DLG2: variants seen among roughly 807,000 people sequenced by gnomAD.
DLG2 encodes the protein disks large homolog 2.
Under a neutral mutation model 132.5 loss-of-function variants are expected in DLG2, and 45 were observed. That is an observed-to-expected ratio of 0.34 (90% CI 0.27 to 0.44). The LOEUF is 0.44. Ranked by LOEUF, DLG2 falls within the 20% of genes least tolerant of loss-of-function variation. DLG2 has a pLI of 1.00. For synonymous variants in DLG2, 424 were observed against 419.6 expected (o/e 1.01, Z -0.13); for missense variants, 1,045 against 1,196.9 (o/e 0.87, Z 1.87).
chr11:85,266,799 A>T (rs1290147827), intron 4 of DLG2, among the ~76,000 whole-genome samples: 1 of 152,132 alleles, frequency 6.6e-6, no homozygotes, highest in African/African-American at 2.4e-5. Flanking sequence ...TTTACTCAGA[A>T]CCCTCAATTC....
At chr11:84,942,050 T>C (rs184076511) in intron 6 of DLG2, among the ~76,000 whole-genome samples, 2 of 152,200 alleles carry the variant, frequency 1.3e-5, no homozygotes, top group Non-Finnish European at 2.9e-5. Flanking sequence ...TAGATGCTCA[T>C]AGTAGTCTCT....
chr11:84,363,155 A>G (rs1366818224), intron 7 of DLG2, among the ~76,000 whole-genome samples: 2 of 151,606 alleles, frequency 1.3e-5, no homozygotes, highest in Non-Finnish European at 2.9e-5. Flanking sequence ...ATTTCTCCAC[A>G]TCCTCTCCAG....
Position 85,302,185 on chromosome 11 carries a change from C to T in DLG2, c.41-16820G>A, listed in dbSNP as rs79700409. Reference sequence around the variant, plus strand: ...AACTACAGTTTGTCAGAAACTTGGACAGACACTACTAACATATCACAAATA... The same window carrying T: ...AACTACAGTTTGTCAGAAACTTGGATAGACACTACTAACATATCACAAATA... On this transcript the variant is annotated intron_variant, in intron 3 of 27. Transcript: ENST00000376104. 6.7e-3 allele frequency among the ~76,000 whole-genome samples: 1,013 copies of T among 152,292 alleles called. 61 individuals are homozygous for T. The East Asian group carries it at 0.15, about 22-fold the overall frequency.
At chr11:84,451,217 A>G (rs1396259747) in intron 7 of DLG2, among the ~76,000 whole-genome samples, 2 of 151,836 alleles carry the variant, frequency 1.3e-5, no homozygotes, top group Non-Finnish European at 2.9e-5. Context: ...TGTCTCTTCA[A>G]TCCTTTTACC....
chr11:85,086,809 G>C (rs528769293), intron 6 of DLG2, among the ~76,000 whole-genome samples: 1 of 152,302 alleles, frequency 6.6e-6, no homozygotes, highest in African/African-American at 2.4e-5. Context: ...ATCAATCATA[G>C]CAAGAGTGGC....
chr11:85,163,165 T>C (rs1177585765), intron 4 of DLG2, among the ~76,000 whole-genome samples: 3 of 151,758 alleles, frequency 2.0e-5, no homozygotes, highest in African/African-American at 7.3e-5. Flanking sequence ...GACCTTGTGA[T>C]TGTGTGAGTT....
At chr11:83,957,098 G>A (rs1259535597) in intron 14 of DLG2, among the ~76,000 whole-genome samples, 3 of 152,188 alleles carry the variant, frequency 2.0e-5, no homozygotes, top group Non-Finnish European at 4.4e-5. Context: ...AAATATACAA[G>A]ATTTTATGTG....
At chr11:85,233,229 G>GT (rs936344070) in intron 4 of DLG2, among the ~76,000 whole-genome samples, 5 of 151,422 alleles carry the variant, frequency 3.3e-5, no homozygotes, top group South Asian at 4.2e-4. Flanking sequence ...TCTGCGTATT[G>GT]TTTTTTTTCT....
intron 3 of DLG2, among the ~76,000 whole-genome samples, chr11:85,399,826 C>T (rs923512311): frequency 1.1e-4 from 17 of 152,076 alleles, no homozygotes; most frequent in African/African-American, 4.1e-4. Flanking sequence ...ACCATAAAAA[C>T]CCTAGAAGAA....
chr11:84,361,447 G>A (rs953612692), intron 7 of DLG2, among the ~76,000 whole-genome samples: 1 of 151,814 alleles, frequency 6.6e-6, no homozygotes, highest in Non-Finnish European at 1.5e-5. Context: ...TGAAAGAAAA[G>A]GACTGTCAAT....
chr11:83,828,155 C>T (rs2053431724), intron 17 of DLG2, among the ~76,000 whole-genome samples: 1 of 152,088 alleles, frequency 6.6e-6, no homozygotes. Context: ...CTAGATGGCA[C>T]CCATAACCTT....
chr11:85,236,073 T>C (rs557052557), intron 4 of DLG2, among the ~76,000 whole-genome samples: 5 of 151,966 alleles, frequency 3.3e-5, no homozygotes, highest in African/African-American at 1.2e-4. Context: ...AAAAGTTAAG[T>C]CTATATTCTA....
At chr11:84,850,705 T>G (rs1173799701) in intron 6 of DLG2, among the ~76,000 whole-genome samples, 1 of 152,102 alleles carries the variant, frequency 6.6e-6, no homozygotes, top group Non-Finnish European at 1.5e-5. Context: ...GGTTGCAGGA[T>G]GCAAGATGAA....
chr11:83,843,410 A>T (rs1337795334), intron 16 of DLG2, among the ~76,000 whole-genome samples: 2 of 152,062 alleles, frequency 1.3e-5, no homozygotes, highest in Non-Finnish European at 2.9e-5. Flanking sequence ...TTGAAACCAC[A>T]TTGTCCTTTC....
intron 3 of DLG2, among the ~76,000 whole-genome samples, chr11:85,542,590 A>G (rs1401205416): frequency 6.6e-6 from 1 of 152,212 alleles, no homozygotes; most frequent in Non-Finnish European, 1.5e-5. Context: ...CATGAACAAT[A>G]CAAAGAATCC....
intron 3 of DLG2, among the ~76,000 whole-genome samples, chr11:85,534,442 C>T (rs953039679): frequency 6.6e-6 from 1 of 151,838 alleles, no homozygotes; most frequent in Non-Finnish European, 1.5e-5. Flanking sequence ...ATCCCATTAC[C>T]CATACAGTGA....
chr11:83,816,966 T>C (rs2049141321), intron 17 of DLG2, among the ~76,000 whole-genome samples: 1 of 116,426 alleles, frequency 8.6e-6, no homozygotes, highest in Admixed American at 8.2e-5. Flanking sequence ...TCCTGCGCAA[T>C]ACAGGTGTAT....
At chr11:84,839,809 C>T (rs924355925) in intron 6 of DLG2, among the ~76,000 whole-genome samples, 9 of 152,114 alleles carry the variant, frequency 5.9e-5, no homozygotes, top group Admixed American at 2.0e-4. Flanking sequence ...GAAACTGGAT[C>T]CCTTCCTTAC....
Position 84,163,511 on chromosome 11 carries a change from C to G in DLG2, c.574G>C (p.Val192Leu), listed in dbSNP as rs1258463369. The change falls in exon 9 of 28, where the codon GTC (valine) becomes CTC (leucine). Residue 192 changes from valine to leucine, a missense_variant and splice_region_variant. By Grantham distance (32) the Val-to-Leu change is conservative. Coordinates refer to ENST00000376104, the MANE Select transcript of DLG2 (RefSeq NM_001142699.3). ...TCATATTCAATTTCTGTCCCATTGA[C>G]CTGTAAATAGGGAAAAAATAAGAAG... ...NTDTLDTIPY[V>L]NGTEIEYEFE... The G allele has an allele frequency of 6.2e-7, 1 of 1,602,868 alleles. No individual in the cohort carries two copies. The highest frequency in any genetic ancestry group is 8.5e-7 in the Non-Finnish European group (1 of 1,175,742).
Sources: gnomAD v4.1 joint callset for allele counts (sites outside exome capture counted in the v4.1 genomes callset) on GRCh38, gnomAD v4.1.1 for gene constraint, MANE v1.5 for transcripts, NCBI Gene and HGNC (gene_info 2026-07-23, HGNC 2026-07-21) for gene names.